The following ARPC1A variants were observed in gnomAD, a reference collection of about 807,000 sequenced individuals.
The protein encoded by ARPC1A is actin related protein 2/3 complex subunit 1A, also known as actin-related protein 2/3 complex subunit 1A.
ARPC1A carries 8 observed loss-of-function variants against 46.9 expected under a neutral mutation model. That is an observed-to-expected ratio of 0.17 (90% confidence interval 0.10 to 0.31). ARPC1A has a LOEUF of 0.31. ARPC1A is among the 10% of genes least tolerant of loss of function. The pLI, the probability that ARPC1A is intolerant of heterozygous loss-of-function variation, is 1.00. For synonymous variants in ARPC1A, 152 were observed against 169.0 expected, an observed-to-expected ratio of 0.90 and a Z score of 0.78; for missense variants, 286 against 483.6, an observed-to-expected ratio of 0.59 and a Z score of 3.83.
At chr7:99,353,586 T>C (rs1793582872) in intron 5 of ARPC1A, among the ~76,000 whole-genome samples, 1 of 152,042 alleles carries the variant, frequency 6.6e-6, no homozygotes, top group Non-Finnish European at 1.5e-5. Context: ...TACGCGATTC[T>C]CCTGACTCAG....
chr7:99,348,879 G>C lies in ARPC1A; in HGVS notation c.420G>C (p.Pro140=). The C allele has an allele frequency of 3.1e-6, 5 of 1,613,858 alleles. No homozygotes were observed. Among genetic ancestry groups the C allele is most frequent in the Non-Finnish European group, 4.2e-6 (5 of 1,179,856 alleles). The change falls in exon 5 of 10, where the codon CCG becomes CCC. Residue 140 remains proline, a synonymous_variant. Coordinates refer to ENST00000262942, the MANE Select transcript of ARPC1A (RefSeq NM_006409.4). ...GGGTGAGCAAGCACATTAAAAAGCC[G>C]ATTCGCTCCACAGTCCTCAGCTTGG... ...DWWVSKHIKK[P]IRSTVLSLDW...
rs1165007933 is a variant in ARPC1A at position 99,344,342 on chromosome 7, C to T, written c.219C>T (p.Asp73=). The stretch of plus-strand genomic sequence containing the variant: ...ACCGCATTGTCACTTGTGGGGCAGA[C>T]CGCAATGCCTATGTCTGGAGTCAGA... ...KSDRIVTCGA[D]RNAYVWSQKD... Residue 73 remains aspartate, a synonymous_variant, in exon 4 of 10, where the codon GAC becomes GAT. Coordinates refer to ENST00000262942, the MANE Select transcript of ARPC1A (RefSeq NM_006409.4). The T allele has an allele frequency of 5.0e-6, 8 of 1,613,866 alleles. No homozygotes were observed. The highest frequency in any genetic ancestry group is 3.3e-5 in the Admixed American group (2 of 59,980).
chr7:99,348,097 T>C (rs1199608683), intron 4 of ARPC1A, among the ~76,000 whole-genome samples: 4 of 152,104 alleles, frequency 2.6e-5, no homozygotes, highest in African/African-American at 9.7e-5. Context: ...GATTTTTCAG[T>C]GAAAGAAATT....
chr7:99,336,327 C>T (rs1023515309), intron 2 of ARPC1A, among the ~76,000 whole-genome samples: 1 of 152,048 alleles, frequency 6.6e-6, no homozygotes, highest in African/African-American at 2.4e-5. Context: ...CCAGAAAGCA[C>T]TCTTAAGTCC....
chr7:99,344,623 T>G, intron 4 of ARPC1A, 108 bp downstream of exon 4: 1 of 1,177,248 alleles, frequency 8.5e-7, no homozygotes, highest in Non-Finnish European at 1.2e-6. Context: ...GTTGTGTGGT[T>G]TTTTCTCTGA....
At chr7:99,333,902 C>G (rs1793191415) in intron 2 of ARPC1A, among the ~76,000 whole-genome samples, 1 of 150,988 alleles carries the variant, frequency 6.6e-6, no homozygotes, top group African/African-American at 2.4e-5. Flanking sequence ...TTTGGGAGGC[C>G]AAGGCAGGCA....
In ARPC1A at chr7:99,338,199, A is replaced by G. The variant is rs760240726; in HGVS notation, c.83A>G (p.Asn28Ser). The G allele has an allele frequency of 8.1e-6, 13 of 1,612,810 alleles. No homozygotes were observed. Among genetic ancestry groups the G allele is most frequent in the African/African-American group, 1.3e-5 (1 of 74,862 alleles). Residue 28 changes from asparagine (N) to serine (S), a missense_variant, in exon 3 of 10, where the codon AAT (asparagine) becomes AGT (serine). Physicochemically the swap from Asn to Ser is conservative, Grantham distance 46 (BLOSUM62 1). This residue lies in a region of ARPC1A where 55 missense variants were observed against 59.4 expected (regional missense o/e 0.93). Coordinates refer to ENST00000262942, the MANE Select transcript of ARPC1A (RefSeq NM_006409.4). Reference protein sequence around the residue: ...RDRTQIALSPNNHEVHIYKKN... With the variant: ...RDRTQIALSPSNHEVHIYKKN... Reference sequence around the variant, plus strand: ...TCTCCAGAGATTGCCCTCAGTCCCAATAATCACGAAGTGCACATCTATAAG... The same window carrying G: ...TCTCCAGAGATTGCCCTCAGTCCCAGTAATCACGAAGTGCACATCTATAAG...
intron 6 of ARPC1A, among the ~76,000 whole-genome samples, chr7:99,357,865 G>C (rs527334466): frequency 5.3e-5 from 8 of 152,322 alleles, no homozygotes; most frequent in African/African-American, 1.9e-4. Context: ...CACAGTGCCT[G>C]GCCGTCAGCA....
rs550742708 is a variant in ARPC1A at position 99,354,443 on chromosome 7, C to G, written c.713+322C>G. 1.1e-4 allele frequency among the ~76,000 whole-genome samples: 16 copies of G among 150,440 alleles called. No individual in the cohort carries two copies. In the East Asian group the frequency reaches 3.0e-3, roughly 28 times the overall value. On this transcript the variant is annotated intron_variant, in intron 6 of 9. Coordinates refer to ENST00000262942, the MANE Select transcript of ARPC1A (RefSeq NM_006409.4). ...AGGCTGAGGCAGAGAATTGCTTGAA[C>G]CTGGGAGGCAGAGGTTGTAGTGAGC... is the stretch of plus-strand genomic sequence containing the variant.
chr7:99,333,650 C>G (rs112463223), intron 2 of ARPC1A, among the ~76,000 whole-genome samples: 8 of 152,150 alleles, frequency 5.3e-5, no homozygotes, highest in African/African-American at 1.9e-4. Flanking sequence ...TTAGTCAGAG[C>G]ACTAGGACCT....
At position 99,358,325 on chromosome 7, in the gene ARPC1A, T is replaced by C; in HGVS notation, c.714-15T>C. On this transcript the variant is annotated splice_polypyrimidine_tract_variant and intron_variant, in intron 6 of 9. Transcript: ENST00000262942. ...GTCTGTTGCATCTTGGGATAACACA[T>C]GTTCTTGTGTTCAGGGTCTCGACTC... is the stretch of plus-strand genomic sequence containing the variant. 1 of 1,611,088 alleles carries C rather than the reference T, an allele frequency of 6.2e-7. No homozygotes were observed. Among genetic ancestry groups the C allele is most frequent in the Admixed American group, 1.7e-5 (1 of 59,980 alleles).
intron 3 of ARPC1A, 125 bp downstream of exon 3, chr7:99,338,410 GAGTATC>G (rs1793295179): frequency 3.5e-6 from 2 of 574,280 alleles, no homozygotes. Flanking sequence ...TTTTGAGAAG[GAGTATC>G]ACTCTTTCGC....
At chr7:99,329,026 C>T (rs1166677230) in intron 1 of ARPC1A, among the ~76,000 whole-genome samples, 4 of 151,444 alleles carry the variant, frequency 2.6e-5, no homozygotes, top group African/African-American at 7.3e-5. Context: ...AGGGGCAGGG[C>T]GCGGTGGCTC....
In ARPC1A at chr7:99,349,589, A is replaced by AGCACTTTGG. The variant is rs373593105; in HGVS notation, c.500+632_500+640dup. ...CGCAGTAGCTCACGCCCGTAATCCC[A>AGCACTTTGG]GCACTTTGGGAGGCTGAGGTGGGCG... On this transcript the variant is annotated intron_variant, in intron 5 of 9. Coordinates refer to ENST00000262942, the MANE Select transcript of ARPC1A (RefSeq NM_006409.4). 3.1e-3 allele frequency among the ~76,000 whole-genome samples: 470 copies of AGCACTTTGG among 152,238 alleles called. 1 individual carries two copies. The highest frequency in any genetic ancestry group is 5.5e-3 in the Admixed American group (84 of 15,278).
intron 8 of ARPC1A, among the ~76,000 whole-genome samples, chr7:99,360,940 CAAAAAA>C (rs34464636): frequency 3.4e-4 from 27 of 80,196 alleles, no homozygotes; most frequent in African/African-American, 1.1e-3. Flanking sequence ...GACTCCGTCT[CAAAAAA>C]AAAAAAAAAA....
chr7:99,348,713 A>G (rs1381638999), intron 4 of ARPC1A, 139 bp from the exon 5 acceptor site: 1 of 506,720 alleles, frequency 2.0e-6, no homozygotes, highest in African/African-American at 2.0e-5. Context: ...AAAAAATAAT[A>G]TTCTGAATTG....
chr7:99,336,694 G>C (rs375963859), intron 2 of ARPC1A, among the ~76,000 whole-genome samples: 1 of 151,884 alleles, frequency 6.6e-6, no homozygotes, highest in Non-Finnish European at 1.5e-5. Flanking sequence ...GGGTTTCCCC[G>C]TGTTGGCCAG....
At chr7:99,331,684 T>C (rs377480609) in intron 1 of ARPC1A, among the ~76,000 whole-genome samples, 1 of 152,282 alleles carries the variant, frequency 6.6e-6, no homozygotes, top group African/African-American at 2.4e-5. Context: ...TTTGGGAGGC[T>C]GAGGAGGGCG....
intron 2 of ARPC1A, among the ~76,000 whole-genome samples, chr7:99,336,029 A>G (rs1275456494): frequency 1.3e-5 from 2 of 151,892 alleles, no homozygotes; most frequent in Non-Finnish European, 2.9e-5. Flanking sequence ...AATTTAGAGC[A>G]TGTGTTTTGT....
Sources: gnomAD v4.1 joint callset for allele counts (sites outside exome capture counted in the v4.1 genomes callset) on GRCh38, gnomAD v4.1.1 for gene constraint, gnomAD v4.1.1 regional missense constraint, MANE v1.5 for transcripts, NCBI Gene and HGNC (gene_info 2026-07-23, HGNC 2026-07-21) for gene names.